LIPC: variants seen among roughly 807,000 people sequenced by gnomAD.
LIPC encodes lipase C, hepatic type, also known as hepatic triacylglycerol lipase.
Under a neutral mutation model 50.7 loss-of-function variants are expected in LIPC, and 44 were observed. The observed-to-expected ratio is 0.87, with a 90% CI of 0.68 to 1.11. The LOEUF is 1.11. LIPC is among the 50% of genes most tolerant of loss of function. The probability of loss-of-function intolerance (pLI) is 0.00; values close to 1 mark genes in which losing one functional copy is unlikely to be tolerated. For missense variants in LIPC, 697 were observed against 648.2 expected, an observed-to-expected ratio of 1.08 and a Z score of -0.82; for synonymous variants, 271 against 256.4, an observed-to-expected ratio of 1.06 and a Z score of -0.54.
chr15:58,511,739 T>C (rs1892335368), intron 1 of LIPC, among the ~76,000 whole-genome samples: 1 of 152,250 alleles, frequency 6.6e-6, no homozygotes, highest in Non-Finnish European at 1.5e-5. Flanking sequence ...GAAAGGTCTA[T>C]GAATAAGATT....
chr15:58,551,503 A>G (rs141806738), intron 6 of LIPC, among the ~76,000 whole-genome samples: 11 of 152,346 alleles, frequency 7.2e-5, no homozygotes, highest in Non-Finnish European at 1.0e-4. Flanking sequence ...CTGCTGCATC[A>G]GAGAACACAG....
At chr15:58,491,493 G>A (rs1192800888) in intron 1 of LIPC, among the ~76,000 whole-genome samples, 1 of 152,158 alleles carries the variant, frequency 6.6e-6, no homozygotes, top group Non-Finnish European at 1.5e-5. Context: ...AACAATAAGA[G>A]GTGCTAAAGT....
rs1185685758 is a variant in LIPC at position 58,564,488 on chromosome 15, G to T, written c.1388+765G>T. On this transcript the variant is annotated intron_variant, in intron 8 of 8. Coordinates refer to ENST00000299022, the MANE Select transcript of LIPC (RefSeq NM_000236.3). ...CACACCTGTAATCCCAGCACTTTGG[G>T]AGGCCTTGGCGGGCGGATCACCTGA... 5.8e-4 allele frequency among the ~76,000 whole-genome samples: 4 copies of T among 6,952 alleles called. No homozygotes were observed. The Non-Finnish European group carries it at 0.057, about 99-fold the overall frequency. 4.6% of individuals were successfully genotyped at this position (6,952 alleles called of 152,430 possible).
At chr15:58,567,179 C>T (rs1414221492) in intron 8 of LIPC, among the ~76,000 whole-genome samples, 11 of 137,666 alleles carry the variant, frequency 8.0e-5, no homozygotes, top group Admixed American at 3.8e-4. Flanking sequence ...TCCAGCCTGG[C>T]GACAGAGCGA....
At chr15:58,478,042 C>A (rs572373875) in intron 1 of LIPC, among the ~76,000 whole-genome samples, 3 of 152,116 alleles carry the variant, frequency 2.0e-5, no homozygotes, top group Admixed American at 2.0e-4. Flanking sequence ...AGCTCCTACC[C>A]CAGAAATGCC....
chr15:58,498,559 GGGT>G (rs1891858011), intron 1 of LIPC: 1 of 152,078 alleles, frequency 6.6e-6, no homozygotes. Context: ...AAAACTTCAC[GGGT>G]AGACAATTAG....
chr15:58,555,203 C>T (rs1161341903), intron 6 of LIPC, among the ~76,000 whole-genome samples: 1 of 152,228 alleles, frequency 6.6e-6, no homozygotes, highest in Non-Finnish European at 1.5e-5. Flanking sequence ...AAATCAATCT[C>T]CTCCTACTCA....
intron 1 of LIPC, among the ~76,000 whole-genome samples, chr15:58,496,168 A>C (rs1033817339): frequency 2.0e-5 from 3 of 152,058 alleles, no homozygotes; most frequent in East Asian, 3.9e-4. Flanking sequence ...ACATTTGGCA[A>C]TATCTGGGGG....
chr15:58,498,390 C>T (rs911704321), intron 1 of LIPC, among the ~76,000 whole-genome samples: 1 of 152,126 alleles, frequency 6.6e-6, no homozygotes, highest in South Asian at 2.1e-4. Flanking sequence ...TCACTTTGAG[C>T]CCCTGCGTTA....
intron 6 of LIPC, among the ~76,000 whole-genome samples, chr15:58,557,825 A>G (rs1205679553): frequency 6.6e-6 from 1 of 152,194 alleles, no homozygotes; most frequent in Non-Finnish European, 1.5e-5. Context: ...CTGACTATTC[A>G]TAAGGAGGTT....
chr15:58,543,639 A>AT (rs1269517459), intron 4 of LIPC, among the ~76,000 whole-genome samples: 9 of 151,474 alleles, frequency 5.9e-5, no homozygotes, highest in Admixed American at 5.9e-4. Context: ...AAGTGAGGAC[A>AT]TTTTTTTTTC....
At chr15:58,531,626 C>A (rs1264375141) in intron 1 of LIPC, among the ~76,000 whole-genome samples, 226 of 82,670 alleles carry the variant, frequency 2.7e-3, no homozygotes, top group Admixed American at 3.5e-3. Flanking sequence ...AAAATGGACT[C>A]AAAAAAAAAA....
Position 58,552,799 on chromosome 15 carries a change from G to T in LIPC, c.1051+4227G>T, listed in dbSNP as rs1439887105. On this transcript the variant is annotated intron_variant, in intron 6 of 8. Coordinates refer to ENST00000299022, the MANE Select transcript of LIPC (RefSeq NM_000236.3). Reference sequence around the variant, plus strand: ...CACAGGCTTGGGGTTGGGATAAGGAGTGTCAAGAATCTTGGCCTTGCTGCC... The same window carrying T: ...CACAGGCTTGGGGTTGGGATAAGGATTGTCAAGAATCTTGGCCTTGCTGCC... Among the ~76,000 whole-genome samples the T allele has an allele frequency of 2.6e-5, 4 of 152,344 alleles. No homozygotes were observed. In the East Asian group the frequency reaches 7.7e-4, roughly 29 times the overall value.
intron 1 of LIPC, among the ~76,000 whole-genome samples, chr15:58,493,894 G>A (rs12916014): frequency 1.3e-5 from 2 of 152,182 alleles, no homozygotes; most frequent in African/African-American, 2.4e-5. Context: ...AATGGGTACT[G>A]AAAGGAATGA....
At chr15:58,478,483 C>T (rs1891074895) in intron 1 of LIPC, among the ~76,000 whole-genome samples, 1 of 152,144 alleles carries the variant, frequency 6.6e-6, no homozygotes, top group Admixed American at 6.5e-5. Flanking sequence ...AAGTGATCCA[C>T]CGATCTTGGC....
chr15:58,457,477 G>A (rs1327905762), intron 1 of LIPC, among the ~76,000 whole-genome samples: 2 of 152,198 alleles, frequency 1.3e-5, no homozygotes, highest in Non-Finnish European at 2.9e-5. Flanking sequence ...AAGGCACCCC[G>A]TTTACGATAT....
In LIPC at chr15:58,472,973, G is replaced by A. The variant is rs902894993; in HGVS notation, c.88+40853G>A. Among the ~76,000 whole-genome samples the A allele has an allele frequency of 4.2e-4, 64 of 152,186 alleles. 1 individual carries two copies. The highest frequency in any genetic ancestry group is 3.9e-4 in the Admixed American group (6 of 15,276). ...GAACTTGGGTTTCACTCAGAAAGGG[G>A]CATGGTTTTGTTAACTTTGAAAACA... On this transcript the variant is annotated intron_variant, in intron 1 of 8. Coordinates refer to ENST00000299022, the MANE Select transcript of LIPC (RefSeq NM_000236.3).
At chr15:58,566,251 C>G in intron 8 of LIPC, 3 of 985,420 alleles carry the variant, frequency 3.0e-6, no homozygotes, top group Non-Finnish European at 3.6e-6. Flanking sequence ...GGCTGTGCTG[C>G]AACATGCTTT....
At chr15:58,558,972 A>G (rs1462239286) in intron 6 of LIPC, among the ~76,000 whole-genome samples, 3 of 152,184 alleles carry the variant, frequency 2.0e-5, no homozygotes, top group Admixed American at 6.5e-5. Flanking sequence ...CAAAATCCAA[A>G]TGGGAAGATT....
Sources: gnomAD v4.1 joint callset for allele counts (sites outside exome capture counted in the v4.1 genomes callset) on GRCh38, gnomAD v4.1.1 for gene constraint, MANE v1.5 for transcripts, NCBI Gene and HGNC (gene_info 2026-07-23, HGNC 2026-07-21) for gene names.